Variants in PIK3R4 observed in about 807,000 individuals in gnomAD.
PIK3R4 encodes the protein phosphoinositide 3-kinase regulatory subunit 4.
Under a neutral mutation model 136.5 loss-of-function variants are expected in PIK3R4, and 46 were observed. The ratio of observed to expected loss-of-function variants is 0.34; its 90% CI spans 0.27 to 0.43. The LOEUF is 0.43. Ranked by LOEUF, PIK3R4 falls within the 20% of genes least tolerant of loss-of-function variation. The pLI is 1.00. For synonymous variants in PIK3R4, 557 were observed against 566.7 expected (o/e 0.98, Z 0.24); for missense variants, 1,331 against 1,649.5 (o/e 0.81, Z 3.35).
chr3:130,730,172 C>G (rs1443669261), intron 5 of PIK3R4, 136 bp downstream of exon 5: 1 of 641,776 alleles, frequency 1.6e-6, no homozygotes, highest in Non-Finnish European at 2.6e-6. Context: ...TAATTAGACA[C>G]CAGGGACTCT....
At chr3:130,720,405 G>A (rs576485581) in intron 7 of PIK3R4, among the ~76,000 whole-genome samples, 1 of 152,244 alleles carries the variant, frequency 6.6e-6, no homozygotes, top group Admixed American at 6.5e-5. Flanking sequence ...ATGTTGATCA[G>A]GCTGGTCTTG....
intron 2 of PIK3R4, among the ~76,000 whole-genome samples, chr3:130,741,084 A>G (rs1272225134): frequency 6.6e-6 from 1 of 152,206 alleles, no homozygotes; most frequent in Non-Finnish European, 1.5e-5. Flanking sequence ...TTGTGTGTCA[A>G]GTGCCCCCTG....
intron 14 of PIK3R4, among the ~76,000 whole-genome samples, chr3:130,688,456 A>C (rs928256424): frequency 1.3e-5 from 2 of 152,230 alleles, no homozygotes; most frequent in African/African-American, 4.8e-5. Context: ...AAAACAGATT[A>C]ATTTGTCACA....
chr3:130,743,742 C>T (rs540985686), intron 2 of PIK3R4, among the ~76,000 whole-genome samples: 12 of 152,322 alleles, frequency 7.9e-5, no homozygotes, highest in African/African-American at 2.9e-4. Flanking sequence ...TCACAATCAT[C>T]TTACCTGGAC....
At chr3:130,721,038 T>TA (rs562754588) in intron 7 of PIK3R4, among the ~76,000 whole-genome samples, 5,486 of 144,730 alleles carry the variant, frequency 0.038, 336 homozygotes, top group African/African-American at 0.13. Flanking sequence ...CCCTGTGTCT[T>TA]AAAAAAAAAA....
chr3:130,741,631 T>C (rs1389163876), intron 2 of PIK3R4, among the ~76,000 whole-genome samples: 2 of 152,174 alleles, frequency 1.3e-5, no homozygotes, highest in Non-Finnish European at 1.5e-5. Context: ...GACCATTTTA[T>C]CTTAAAGTAG....
At chr3:130,707,192 G>A in intron 10 of PIK3R4, 57 bp from the exon 11 acceptor site, 1 of 1,259,670 alleles carries the variant, frequency 7.9e-7, no homozygotes, top group Non-Finnish European at 1.1e-6. Context: ...ACCATTATGT[G>A]CTTTTATTGC....
intron 4 of PIK3R4, among the ~76,000 whole-genome samples, chr3:130,731,005 G>A (rs2066757538): frequency 6.6e-6 from 1 of 152,190 alleles, no homozygotes; most frequent in Non-Finnish European, 1.5e-5. Context: ...GAACCAAAGT[G>A]GCAGACTGTT....
At chr3:130,738,981 T>C (rs2066802977) in intron 2 of PIK3R4, among the ~76,000 whole-genome samples, 2 of 152,254 alleles carry the variant, frequency 1.3e-5, no homozygotes, top group South Asian at 4.1e-4. Context: ...TAACAAAAAT[T>C]CAATCAGGCA....
chr3:130,730,470 T>C, intron 4 of PIK3R4, 28 bp from the exon 5 acceptor site: 2 of 1,493,354 alleles, frequency 1.3e-6, no homozygotes, highest in Non-Finnish European at 1.8e-6. Context: ...AGAAAATTTA[T>C]AATTACAATC....
chr3:130,746,164 G>C (rs1366963521), intron 1 of PIK3R4, among the ~76,000 whole-genome samples, 154 bp downstream of exon 1: 1 of 152,284 alleles, frequency 6.6e-6, no homozygotes, highest in African/African-American at 2.4e-5. Flanking sequence ...AACTTCGCTG[G>C]TCTGCAACAA....
At chr3:130,683,493 T>C (rs980446413) in intron 16 of PIK3R4, among the ~76,000 whole-genome samples, 1 of 152,016 alleles carries the variant, frequency 6.6e-6, no homozygotes, top group African/African-American at 2.4e-5. Context: ...AGGAAAGTAT[T>C]TGAAAATAAC....
chr3:130,719,332 C>T (rs115507817), intron 7 of PIK3R4, among the ~76,000 whole-genome samples: 2,959 of 149,142 alleles, frequency 0.02, 95 homozygotes, highest in African/African-American at 0.068. Flanking sequence ...TGCAAACACA[C>T]CAGCATTCAG....
chr3:130,716,642 G>A (rs1267071398), intron 8 of PIK3R4, 43 bp from the exon 9 acceptor site: 2 of 1,181,726 alleles, frequency 1.7e-6, no homozygotes, highest in Non-Finnish European at 2.4e-6. Flanking sequence ...AATATAACAT[G>A]TACAGTTATT....
At chr3:130,739,360 G>A (rs1260811433) in intron 2 of PIK3R4, among the ~76,000 whole-genome samples, 1 of 152,144 alleles carries the variant, frequency 6.6e-6, no homozygotes, top group African/African-American at 2.4e-5. Context: ...ACAGGCGTGA[G>A]CGACCGCGCT....
intron 6 of PIK3R4, among the ~76,000 whole-genome samples, chr3:130,724,477 A>G (rs2066720477): frequency 6.6e-6 from 1 of 152,116 alleles, no homozygotes; most frequent in South Asian, 2.1e-4. Flanking sequence ...CACATTCATA[A>G]TCATGTATTT....
intron 19 of PIK3R4, 91 bp from the exon 20 acceptor site, chr3:130,679,576 T>A: frequency 1.2e-6 from 1 of 854,028 alleles, no homozygotes; most frequent in South Asian, 1.7e-5. Context: ...GAGATACTGT[T>A]GTTGTATTTA....
intron 11 of PIK3R4, among the ~76,000 whole-genome samples, chr3:130,706,028 T>A (rs1001744997): frequency 1.3e-5 from 2 of 152,094 alleles, no homozygotes; most frequent in African/African-American, 4.8e-5. Flanking sequence ...AGCATGAAAA[T>A]AACATTAAAC....
intron 14 of PIK3R4, among the ~76,000 whole-genome samples, chr3:130,687,685 A>T (rs963243622): frequency 6.6e-6 from 1 of 152,112 alleles, no homozygotes; most frequent in African/African-American, 2.4e-5. Flanking sequence ...TATTTATTTT[A>T]TTCTTTGAGT....
Sources: allele counts gnomAD v4.1 joint callset (sites outside exome capture counted in the v4.1 genomes callset), GRCh38; gene constraint gnomAD v4.1.1; transcripts MANE v1.5; gene names NCBI Gene and HGNC (gene_info 2026-07-23, HGNC 2026-07-21).